Variants in PCTP observed in about 807,000 individuals in gnomAD.
PCTP encodes the protein phosphatidylcholine transfer protein.
Under a neutral mutation model 31.0 loss-of-function variants are expected in PCTP, and 27 were observed. The observed-to-expected ratio is 0.87, with a 90% CI of 0.64 to 1.20. The LOEUF (loss-of-function observed/expected upper bound fraction) is 1.20. Ranked by LOEUF, PCTP falls within the 50% of genes most tolerant of loss-of-function variation. The pLI is 0.00. For synonymous variants in PCTP, 108 were observed against 101.2 expected, an observed-to-expected ratio of 1.07 and a Z score of -0.40; for missense variants, 287 against 268.2, an observed-to-expected ratio of 1.07 and a Z score of -0.49.
At chr17:55,819,959 G>A (rs150880071) in intron 3 of PCTP, among the ~76,000 whole-genome samples, 18 of 152,224 alleles carry the variant, frequency 1.2e-4, no homozygotes, top group East Asian at 9.7e-4. Context: ...TGAGACAACC[G>A]GATATCCATA....
In PCTP at chr17:55,776,546, C is replaced by G; in HGVS notation, c.*446C>G. 8.1e-7 allele frequency: 1 copy of G among 1,232,120 alleles called. No individual in the cohort carries two copies. The highest frequency in any genetic ancestry group is 3.1e-4 in the Middle Eastern group (1 of 3,206). 76.3% of individuals were successfully genotyped at this position (1,232,120 alleles called of 1,614,324 possible). On this transcript the variant is annotated 3_prime_UTR_variant, in exon 6 of 6. Transcript: ENST00000268896. ...GCTCTTTTGCAGCTTGTGATTTCTT[C>G]CAGCTTGGGAGGGGCTGCTGGAAGT...
At chr17:55,828,891 G>A (rs1218525234) in intron 5 of PCTP, among the ~76,000 whole-genome samples, 2 of 152,194 alleles carry the variant, frequency 1.3e-5, no homozygotes, top group East Asian at 1.9e-4. Context: ...TGCCGGATAT[G>A]GCCCCAGTCA....
At chr17:55,844,556 G>A (rs547491447), downstream of PCTP, among the ~76,000 whole-genome samples, 24 of 152,116 alleles carry the variant, frequency 1.6e-4, no homozygotes, top group Non-Finnish European at 3.4e-4. Context: ...AGGAGAAATA[G>A]AAGATCTGGA....
At chr17:55,840,725 C>A (rs1567736478) in intron 5 of PCTP, among the ~76,000 whole-genome samples, 1 of 152,150 alleles carries the variant, frequency 6.6e-6, no homozygotes, top group Non-Finnish European at 1.5e-5. Context: ...TAAACCTTAT[C>A]ATAGGTACAT....
At chr17:55,827,021 C>G (rs77432602), downstream of PCTP, among the ~76,000 whole-genome samples, 5,647 of 144,676 alleles carry the variant, frequency 0.039, 349 homozygotes, top group African/African-American at 0.13. Flanking sequence ...CAAAAGATAC[C>G]TACTGTGGTA....
chr17:55,798,346 T>C (rs7211669), intron 3 of PCTP, among the ~76,000 whole-genome samples: 31,844 of 151,870 alleles, frequency 0.21, 3,899 homozygotes, highest in African/African-American at 0.34. Context: ...AGGACATTAG[T>C]TACAGCTTCA....
chr17:55,785,528 G>A (rs1216249180), intron 2 of PCTP, among the ~76,000 whole-genome samples: 2 of 152,222 alleles, frequency 1.3e-5, no homozygotes, highest in Non-Finnish European at 2.9e-5. Context: ...CTGAAGCAAT[G>A]CCTCATTTAT....
In PCTP at chr17:55,776,398, C is replaced by T; in HGVS notation, c.*298C>T. On this transcript the variant is annotated 3_prime_UTR_variant, in exon 6 of 6. Coordinates refer to ENST00000268896, the MANE Select transcript of PCTP (RefSeq NM_021213.4). ...ATGGGGCAGACTAGGGAAACCTTTG[C>T]TTGCTTACTATTAGGAGGGGAAGTC... The T allele has an allele frequency of 1.6e-6, 2 of 1,256,088 alleles. No individual in the cohort carries two copies. The highest frequency in any genetic ancestry group is 2.0e-6 in the Non-Finnish European group (2 of 1,002,758). 77.8% of individuals were successfully genotyped at this position (1,256,088 alleles called of 1,614,324 possible).
chr17:55,834,487 C>T (rs1905712547), intron 5 of PCTP, among the ~76,000 whole-genome samples: 1 of 152,152 alleles, frequency 6.6e-6, no homozygotes, highest in South Asian at 2.1e-4. Context: ...ATCTAGCCAC[C>T]AGGAAAGAGC....
chr17:55,751,444 G>C, intron 1 of PCTP, 200 bp downstream of exon 1: 1 of 1,533,614 alleles, frequency 6.5e-7, no homozygotes, highest in Non-Finnish European at 8.7e-7. Context: ...TGCAGATCCA[G>C]GGGAGTTGGA....
At chr17:55,841,889 A>G (rs1905993757) in intron 5 of PCTP, among the ~76,000 whole-genome samples, 1 of 152,092 alleles carries the variant, frequency 6.6e-6, no homozygotes, top group Non-Finnish European at 1.5e-5. Flanking sequence ...ATAAACACAA[A>G]ACCATCTCTG....
At chr17:55,827,270 C>T (rs1905431250), downstream of PCTP, among the ~76,000 whole-genome samples, 1 of 152,150 alleles carries the variant, frequency 6.6e-6, no homozygotes, top group African/African-American at 2.4e-5. Context: ...TGCTCAGCCC[C>T]AGTGACAACA....
In PCTP at chr17:55,815,635, A is replaced by T. The variant is rs555911255; in HGVS notation, c.318-7126A>T. Among the ~76,000 whole-genome samples, 4 of 152,330 alleles carry T rather than the reference A, an allele frequency of 2.6e-5. No individual in the cohort carries two copies. In the East Asian group the frequency reaches 5.8e-4, roughly 22 times the overall value. On this transcript the variant is annotated intron_variant, in intron 3 of 3. Coordinates refer to the PCTP transcript ENST00000572536. Reference sequence around the variant, plus strand: ...ATTGTCTTTAGACTGGAGAAGGTACAGTAACAGGCAGCTTCTTGTTAGTCT... The same window carrying T: ...ATTGTCTTTAGACTGGAGAAGGTACTGTAACAGGCAGCTTCTTGTTAGTCT...
At chr17:55,764,170 G>C (rs1910508190) in intron 1 of PCTP, among the ~76,000 whole-genome samples, 1 of 152,194 alleles carries the variant, frequency 6.6e-6, no homozygotes, top group Admixed American at 6.5e-5. Context: ...GGAACAGTGT[G>C]TTTTAATTTA....
intron 1 of PCTP, among the ~76,000 whole-genome samples, chr17:55,758,097 A>G (rs370268741): frequency 2.2e-4 from 33 of 152,334 alleles, no homozygotes; most frequent in African/African-American, 6.7e-4. Context: ...ACCACTGCCC[A>G]TAGAGTGTGG....
chr17:55,798,732 A>C (rs1407872145), intron 3 of PCTP, among the ~76,000 whole-genome samples: 1 of 151,970 alleles, frequency 6.6e-6, no homozygotes, highest in African/African-American at 2.4e-5. Flanking sequence ...AAATACTAAA[A>C]GAAGATATTT....
At chr17:55,827,335 A>G (rs1025126331), downstream of PCTP, among the ~76,000 whole-genome samples, 1 of 152,128 alleles carries the variant, frequency 6.6e-6, no homozygotes, top group African/African-American at 2.4e-5. Flanking sequence ...CCAGCCAACC[A>G]CCAGCTAATG....
chr17:55,760,417 A>G (rs1286429091), intron 1 of PCTP, among the ~76,000 whole-genome samples: 2 of 152,212 alleles, frequency 1.3e-5, no homozygotes, highest in Non-Finnish European at 2.9e-5. Context: ...AGAACTTTAG[A>G]TGGATTATCT....
intron 1 of PCTP, among the ~76,000 whole-genome samples, chr17:55,766,814 C>G (rs529032376): frequency 3.5e-4 from 53 of 151,938 alleles, no homozygotes; most frequent in African/African-American, 1.2e-3. Context: ...ATTTCTAGTT[C>G]TAGATCCCTG....
Sources: gnomAD v4.1 joint callset for allele counts (sites outside exome capture counted in the v4.1 genomes callset) on GRCh38, gnomAD v4.1.1 for gene constraint, MANE v1.5 for transcripts, NCBI Gene and HGNC (gene_info 2026-07-23, HGNC 2026-07-21) for gene names.